ANOS1: variants seen among roughly 807,000 people sequenced by gnomAD.
ANOS1 encodes anosmin-1.
ANOS1 carries 6 observed loss-of-function variants against 59.0 expected under a neutral mutation model. The observed-to-expected ratio is 0.10, with a 90% CI of 0.06 to 0.20. The LOEUF is 0.20. ANOS1 is among the 10% of genes least tolerant of loss of function. The pLI is 1.00. For missense variants in ANOS1, 433 were observed against 542.3 expected (o/e 0.80, Z 2.00); for synonymous variants, 217 against 223.4 (o/e 0.97, Z 0.25).
chrX:8,615,242 C>T (rs1931147121), intron 3 of ANOS1, among the ~76,000 whole-genome samples: 1 of 111,633 alleles, frequency 9.0e-6, no homozygotes, highest in Non-Finnish European at 1.9e-5. Context: ...ATACTAAAAA[C>T]TTTTTGAAAA....
Position 8,732,046 on chromosome X carries a change from T to TCGAGGG in ANOS1, c.-16_-11dup, listed in dbSNP as rs1203944318. On this transcript the variant is annotated 5_prime_UTR_variant, in exon 1 of 14. Transcript: ENST00000262648. ...GCACCCCGGGCACCATGGCTGCGGG[T>TCGAGGG]CGAGGGCGAGGGCGAGGGCGCCGGG... 251 of 948,506 alleles carry TCGAGGG rather than the reference T, an allele frequency of 2.6e-4. 3 individuals are homozygous for TCGAGGG. In the African/African-American group the frequency reaches 3.4e-3, roughly 13 times the overall value. 78.2% of individuals were successfully genotyped at this position (948,506 alleles called of 1,213,427 possible).
chrX:8,569,174 G>T (rs1315169320), intron 7 of ANOS1, among the ~76,000 whole-genome samples: 4 of 111,905 alleles, frequency 3.6e-5, no homozygotes, highest in Non-Finnish European at 5.6e-5. Flanking sequence ...AATGTATTGG[G>T]CAGGGGGCTG....
chrX:8,594,654 A>ATGTG (rs1245128075), intron 4 of ANOS1, among the ~76,000 whole-genome samples: 2 of 30,265 alleles, frequency 6.6e-5, no homozygotes, highest in African/African-American at 3.1e-4. Context: ...ATATATATAT[A>ATGTG]TGTGTATATA....
intron 6 of ANOS1, among the ~76,000 whole-genome samples, chrX:8,574,960 G>C (rs1380534796): frequency 8.9e-6 from 1 of 112,055 alleles, no homozygotes; most frequent in African/African-American, 3.2e-5. Flanking sequence ...CTGAGAGGAG[G>C]AATGTTTGCT....
intron 11 of ANOS1, 96 bp downstream of exon 11, chrX:8,536,675 G>A (rs1319070956): frequency 1.5e-5 from 10 of 687,645 alleles, no homozygotes; most frequent in Non-Finnish European, 2.1e-5. Context: ...GGCACTTTTG[G>A]TTTTCACGGT....
intron 1 of ANOS1, among the ~76,000 whole-genome samples, chrX:8,713,830 C>T (rs1932826965): frequency 9.0e-6 from 1 of 110,699 alleles, no homozygotes; most frequent in African/African-American, 3.3e-5. Context: ...CCAGGCTGGT[C>T]TTGAACTCCT....
intron 9 of ANOS1, among the ~76,000 whole-genome samples, chrX:8,545,035 C>T (rs1233334034): frequency 1.1e-5 from 1 of 88,893 alleles, no homozygotes; most frequent in African/African-American, 4.4e-5. Context: ...CATTGCACTC[C>T]AGCCTGGGCA....
In ANOS1 at chrX:8,536,755, T is replaced by G; in HGVS notation, c.1621+16A>C. On this transcript the variant is annotated intron_variant, in intron 11 of 13. Coordinates refer to ENST00000262648, the MANE Select transcript of ANOS1 (RefSeq NM_000216.4). The stretch of plus-strand genomic sequence containing the variant: ...CCGTAGACCTAGATGTAGAAGTCCT[T>G]CAGGTGAAAACGTACCTGCTTCGCC... 1 of 1,190,064 alleles carries G rather than the reference T, an allele frequency of 8.4e-7. No homozygotes were observed. The highest frequency in any genetic ancestry group is 1.8e-5 in the South Asian group (1 of 55,889).
chrX:8,723,243 A>G (rs1459977236), intron 1 of ANOS1, among the ~76,000 whole-genome samples: 1 of 112,820 alleles, frequency 8.9e-6, no homozygotes, highest in African/African-American at 3.2e-5. Context: ...TTTGCGCGGC[A>G]AAAAGAACAG....
At chrX:8,557,587 C>T (rs973700343) in intron 8 of ANOS1, among the ~76,000 whole-genome samples, 1 of 112,527 alleles carries the variant, frequency 8.9e-6, no homozygotes, top group African/African-American at 3.2e-5. Context: ...CTCACCATCA[C>T]TGGTCATTAG....
At chrX:8,703,381 A>C (rs1054746673) in intron 1 of ANOS1, among the ~76,000 whole-genome samples, 1 of 112,190 alleles carries the variant, frequency 8.9e-6, no homozygotes, top group Non-Finnish European at 1.9e-5. Flanking sequence ...ACGCGGCAAT[A>C]CACCTTTGAC....
chrX:8,547,575 T>C (rs1428530120), intron 9 of ANOS1, among the ~76,000 whole-genome samples: 2 of 112,111 alleles, frequency 1.8e-5, no homozygotes, highest in Non-Finnish European at 3.8e-5. Context: ...GAACTGCAGG[T>C]TCCTTAAAGG....
chrX:8,538,817 A>G (rs1929638332), intron 10 of ANOS1, among the ~76,000 whole-genome samples: 1 of 112,119 alleles, frequency 8.9e-6, no homozygotes, highest in Admixed American at 9.4e-5. Flanking sequence ...CTGAAAATCC[A>G]GTGACTTGTT....
At chrX:8,602,480 T>C (rs1447377840) in intron 3 of ANOS1, among the ~76,000 whole-genome samples, 1 of 111,195 alleles carries the variant, frequency 9.0e-6, no homozygotes, top group Non-Finnish European at 1.9e-5. Context: ...TACTCAGAGA[T>C]TTGTTAAAAG....
At chrX:8,589,337 C>G (rs12557654) in intron 4 of ANOS1, among the ~76,000 whole-genome samples, 6,759 of 111,291 alleles carry the variant, frequency 0.061, 204 homozygotes, top group Admixed American at 0.12. Flanking sequence ...ATAAATTTGT[C>G]TCATCTGATC....
chrX:8,603,018 C>T (rs190625285), intron 3 of ANOS1, among the ~76,000 whole-genome samples: 61 of 112,002 alleles, frequency 5.4e-4, no homozygotes, highest in African/African-American at 1.8e-3. Context: ...GGATTACAGG[C>T]GTGAGCCACC....
chrX:8,672,333 G>A (rs191122709), intron 2 of ANOS1, among the ~76,000 whole-genome samples: 11 of 111,947 alleles, frequency 9.8e-5, no homozygotes, highest in African/African-American at 2.9e-4. Context: ...AGTGGCCCCT[G>A]CATGTGAACT....
chrX:8,646,337 G>A (rs10126396), intron 2 of ANOS1, among the ~76,000 whole-genome samples: 15,523 of 110,184 alleles, frequency 0.14, 1,637 homozygotes, highest in African/African-American at 0.35. Context: ...GCCATCACCT[G>A]TAATAGGCAT....
At chrX:8,575,349 A>G (rs181260952) in intron 6 of ANOS1, among the ~76,000 whole-genome samples, 1 of 112,295 alleles carries the variant, frequency 8.9e-6, no homozygotes, top group East Asian at 2.8e-4. Context: ...TGAAAATAAC[A>G]GCCGTTCGTG....
Sources: gnomAD v4.1 joint callset for allele counts (sites outside exome capture counted in the v4.1 genomes callset) on GRCh38, gnomAD v4.1.1 for gene constraint, MANE v1.5 for transcripts, NCBI Gene and HGNC (gene_info 2026-07-23, HGNC 2026-07-21) for gene names.